BCL2L13: variants seen among roughly 807,000 people sequenced by gnomAD.
BCL2L13 encodes the protein BCL2 like 13.
In BCL2L13, 13 loss-of-function variants were observed where a neutral mutation model predicts 25.8. The ratio of observed to expected loss-of-function variants is 0.50; its 90% CI spans 0.33 to 0.80. The LOEUF (loss-of-function observed/expected upper bound fraction) is 0.80. BCL2L13 is among the 30% of genes least tolerant of loss of function. The pLI is 0.02. For missense variants in BCL2L13, 504 were observed against 574.9 expected (o/e 0.88, Z 1.26); for synonymous variants, 244 against 230.3 (o/e 1.06, Z -0.54).
At chr22:17,658,713 A>T (rs923920579) in intron 2 of BCL2L13, among the ~76,000 whole-genome samples, 1 of 150,286 alleles carries the variant, frequency 6.7e-6, no homozygotes, top group Non-Finnish European at 1.5e-5. Context: ...AAAAAAAAAA[A>T]ATATTTTCTA....
intron 3 of BCL2L13, chr22:17,684,513 T>A: frequency 4.5e-6 from 2 of 448,658 alleles, no homozygotes; most frequent in Non-Finnish European, 8.9e-6. Context: ...CTGTTTTTAT[T>A]GATTTGCCTA....
intron 4 of BCL2L13, among the ~76,000 whole-genome samples, chr22:17,693,528 C>T (rs1370237495): frequency 4.0e-5 from 6 of 151,274 alleles, no homozygotes; most frequent in African/African-American, 1.5e-4. Flanking sequence ...TACAGGCATG[C>T]GCCAACACGC....
intron 2 of BCL2L13, among the ~76,000 whole-genome samples, chr22:17,656,733 T>C (rs2058881566): frequency 6.6e-6 from 1 of 152,158 alleles, no homozygotes; most frequent in Non-Finnish European, 1.5e-5. Context: ...CAAATATTAG[T>C]CTATTGTGTT....
At chr22:17,667,417 C>G (rs146757127) in intron 2 of BCL2L13, among the ~76,000 whole-genome samples, 2 of 151,980 alleles carry the variant, frequency 1.3e-5, no homozygotes, top group Admixed American at 1.3e-4. Context: ...GTGATCTGCC[C>G]GCCTTGGCCT....
chr22:17,668,274 A>G (rs1289850223), intron 2 of BCL2L13, among the ~76,000 whole-genome samples: 1 of 151,372 alleles, frequency 6.6e-6, no homozygotes. Flanking sequence ...CAGCCTCCCA[A>G]AGTGCTGGGA....
intron 6 of BCL2L13, among the ~76,000 whole-genome samples, chr22:17,711,542 C>T (rs748262679): frequency 2.6e-5 from 4 of 152,102 alleles, no homozygotes. Flanking sequence ...CAAGTGATTG[C>T]CTGCCTCTGC....
chr22:17,645,387 A>T (rs959079485), intron 1 of BCL2L13, among the ~76,000 whole-genome samples: 1 of 150,176 alleles, frequency 6.7e-6, no homozygotes, highest in Non-Finnish European at 1.5e-5. Flanking sequence ...ACGCCTGGCT[A>T]ATTTTTTTAT....
At position 17,727,336 on chromosome 22, in the gene BCL2L13, C is replaced by T; in HGVS notation, c.1260C>T (p.Ser420=). ...AGGAGATAAACGCAAGGGAAGAGAG[C>T]CTTGTGGAAGAGCTGTCCCCTGCCA... The part of the protein sequence containing the change: ...SEKEINAREE[S]LVEELSPASE... Residue 420 remains serine (S), a synonymous_variant, in exon 7 of 7, where the codon AGC becomes AGT. Coordinates refer to ENST00000317582, the MANE Select transcript of BCL2L13 (RefSeq NM_015367.4). 6.2e-7 allele frequency: 1 copy of T among 1,614,240 alleles called. No homozygotes were observed. The highest frequency in any genetic ancestry group is 8.5e-7 in the Non-Finnish European group (1 of 1,180,052).
chr22:17,650,075 G>A (rs2058630756), intron 1 of BCL2L13, among the ~76,000 whole-genome samples: 1 of 151,286 alleles, frequency 6.6e-6, no homozygotes, highest in Non-Finnish European at 1.5e-5. Context: ...TCACCATGTT[G>A]GCCAGGCTGG....
chr22:17,660,822 C>T lies in BCL2L13; in HGVS notation c.121+4990C>T, dbSNP rs2059039577. Among the ~76,000 whole-genome samples the T allele has an allele frequency of 2.7e-5, 4 of 146,164 alleles. No individual in the cohort carries two copies. The South Asian group carries it at 8.5e-4, about 31-fold the overall frequency. The stretch of plus-strand genomic sequence containing the variant: ...TGCTTTTCTTTGAGACAGTCTCGCT[C>T]TCGTCAGGTGGGAGTGCAGTGGCAC... On this transcript the variant is annotated intron_variant, in intron 2 of 6. Coordinates refer to ENST00000317582, the MANE Select transcript of BCL2L13 (RefSeq NM_015367.4).
At chr22:17,676,835 C>G (rs905860305) in intron 2 of BCL2L13, among the ~76,000 whole-genome samples, 2 of 152,114 alleles carry the variant, frequency 1.3e-5, no homozygotes, top group African/African-American at 4.8e-5. Flanking sequence ...GACTTTTATG[C>G]TTTATGAGAA....
In BCL2L13 at chr22:17,727,575, G is replaced by C; in HGVS notation, c.*41G>C. On this transcript the variant is annotated 3_prime_UTR_variant, in exon 7 of 7. Coordinates refer to ENST00000317582, the MANE Select transcript of BCL2L13 (RefSeq NM_015367.4). The stretch of plus-strand genomic sequence containing the variant: ...AGAAAGACAGAAGGATGTAAGGTTG[G>C]AGTTGTATTGGCTGGAATTTGAACC... 6.2e-7 allele frequency: 1 copy of C among 1,602,032 alleles called. No individual in the cohort carries two copies. Among genetic ancestry groups the C allele is most frequent in the Non-Finnish European group, 8.5e-7 (1 of 1,173,298 alleles).
intron 2 of BCL2L13, among the ~76,000 whole-genome samples, chr22:17,679,264 CTTTTTTTTTT>C (rs3044588): frequency 2.6e-5 from 2 of 76,134 alleles, no homozygotes; most frequent in Non-Finnish European, 4.8e-5. Context: ...TGGTTTGGCT[CTTTTTTTTTT>C]TTTTTTTTTT....
chr22:17,641,387 A>AT (rs147374238), intron 1 of BCL2L13, among the ~76,000 whole-genome samples: 14,070 of 150,994 alleles, frequency 0.093, 763 homozygotes, highest in Non-Finnish European at 0.11. Flanking sequence ...AGATTGGTTT[A>AT]TTTTTTTTTC....
Position 17,726,838 on chromosome 22 carries a change from G to C in BCL2L13, c.762G>C (p.Val254=). Residue 254 remains valine (V), a synonymous_variant, in exon 7 of 7, where the codon GTG becomes GTC. Transcript: ENST00000317582. ...CCTGGCAGTCTGAGAGCTTACCTGT[G>C]TCACTGTCAGCTAGCCAGAGTTGGC... The part of the protein sequence containing the change: ...TTSWQSESLP[V]SLSASQSWHT... 1 of 1,613,928 alleles carries C rather than the reference G, an allele frequency of 6.2e-7. No homozygotes were observed. The highest frequency in any genetic ancestry group is 2.2e-5 in the East Asian group (1 of 44,874).
At chr22:17,683,634 A>G (rs532666609) in intron 3 of BCL2L13, among the ~76,000 whole-genome samples, 9 of 152,288 alleles carry the variant, frequency 5.9e-5, no homozygotes, top group African/African-American at 1.7e-4. Flanking sequence ...TATTACCTTT[A>G]TAAGTAATAA....
At chr22:17,684,680 C>T (rs2059857254) in intron 3 of BCL2L13, 1 of 444,806 alleles carries the variant, frequency 2.2e-6, no homozygotes, top group African/African-American at 2.0e-5. Flanking sequence ...TCTCCTGTCT[C>T]AGCCTCCTGA....
At chr22:17,697,708 C>CGG (rs2060305181) in intron 5 of BCL2L13, among the ~76,000 whole-genome samples, 1 of 152,108 alleles carries the variant, frequency 6.6e-6, no homozygotes, top group Admixed American at 6.6e-5. Context: ...TCACTATTAA[C>CGG]AGAGTATTAG....
At chr22:17,635,394 A>T (rs532075298), upstream of BCL2L13, among the ~76,000 whole-genome samples, 6 of 151,846 alleles carry the variant, frequency 4.0e-5, no homozygotes, top group South Asian at 2.1e-4. Context: ...CAAATTAAAT[A>T]AAAAAACTCC....
Sources: allele counts gnomAD v4.1 joint callset (sites outside exome capture counted in the v4.1 genomes callset), GRCh38; gene constraint gnomAD v4.1.1; transcripts MANE v1.5; gene names NCBI Gene and HGNC (gene_info 2026-07-23, HGNC 2026-07-21).